The following RALGAPB variants were observed in gnomAD, a reference collection of about 807,000 sequenced individuals.
The protein encoded by RALGAPB is Ral GTPase activating protein non-catalytic subunit beta.
In RALGAPB, 25 loss-of-function variants were observed where a neutral mutation model predicts 161.1. The observed-to-expected ratio is 0.16, with a 90% CI of 0.11 to 0.22. The LOEUF is 0.22. Ranked by LOEUF, RALGAPB falls within the 10% of genes least tolerant of loss-of-function variation. The pLI is 1.00. For missense variants in RALGAPB, 1,391 were observed against 1,815.2 expected (o/e 0.77, Z 4.25); for synonymous variants, 629 against 626.1 (o/e 1.00, Z -0.07).
At chr20:38,477,072 A>G (rs911469914) in intron 1 of RALGAPB, among the ~76,000 whole-genome samples, 2 of 152,188 alleles carry the variant, frequency 1.3e-5, no homozygotes, top group Non-Finnish European at 2.9e-5. Flanking sequence ...ATAGTGTAGT[A>G]TCTGAAGCAG....
At chr20:38,571,385 C>A (rs1348990044) in intron 28 of RALGAPB, among the ~76,000 whole-genome samples, 2 of 152,154 alleles carry the variant, frequency 1.3e-5, no homozygotes, top group Admixed American at 1.3e-4. Context: ...ATTTTTCCCT[C>A]CCTGCAGTTC....
intron 1 of RALGAPB, among the ~76,000 whole-genome samples, chr20:38,478,522 G>A (rs998680461): frequency 6.6e-6 from 1 of 152,178 alleles, no homozygotes; most frequent in Non-Finnish European, 1.5e-5. Flanking sequence ...CCAGGTTCAA[G>A]CTATTCTCCT....
chr20:38,501,271 T>C (rs960598778), intron 5 of RALGAPB, among the ~76,000 whole-genome samples: 5 of 152,122 alleles, frequency 3.3e-5, no homozygotes, highest in African/African-American at 1.2e-4. Context: ...TTAAGAATAA[T>C]GTTAAATTTG....
chr20:38,556,097 T>G (rs934597540), intron 22 of RALGAPB, among the ~76,000 whole-genome samples: 15 of 152,254 alleles, frequency 9.9e-5, no homozygotes, highest in East Asian at 3.9e-4. Flanking sequence ...AATAACAAAC[T>G]AAGCCAGCAC....
chr20:38,544,410 T>C (rs2087085195), intron 18 of RALGAPB, among the ~76,000 whole-genome samples: 1 of 152,124 alleles, frequency 6.6e-6, no homozygotes, highest in South Asian at 2.1e-4. Context: ...TATTCTCAAC[T>C]GGCATAGATT....
At chr20:38,502,955 T>C (rs1055848645) in intron 5 of RALGAPB, among the ~76,000 whole-genome samples, 1 of 152,302 alleles carries the variant, frequency 6.6e-6, no homozygotes, top group South Asian at 2.1e-4. Context: ...TTGCCCAGGC[T>C]AGAGTATAAT....
At chr20:38,515,126 C>T (rs113883801) in intron 6 of RALGAPB, among the ~76,000 whole-genome samples, 1,823 of 152,238 alleles carry the variant, frequency 0.012, 23 homozygotes, top group Middle Eastern at 0.051. Flanking sequence ...TGAACTACAG[C>T]CCCCAGCAGG....
chr20:38,499,623 C>T lies in RALGAPB; in HGVS notation c.730C>T (p.Leu244Phe). 1.2e-6 allele frequency: 2 copies of T among 1,611,822 alleles called. No homozygotes were observed. Among genetic ancestry groups the T allele is most frequent in the Non-Finnish European group, 1.7e-6 (2 of 1,179,032 alleles). Residue 244 changes from leucine to phenylalanine, a missense_variant, in exon 5 of 30, where the codon CTC (leucine) becomes TTC (phenylalanine). Around this residue, in one of 3 missense-constraint regions of RALGAPB, gnomAD observed 946 missense variants for 1,257.2 expected, o/e 0.75. Coordinates refer to ENST00000262879, the MANE Select transcript of RALGAPB (RefSeq NM_020336.4). The part of the protein sequence containing the change: ...VEQWSKVICA[L>F]TSRLLRFTYG... The stretch of plus-strand genomic sequence containing the variant: ...GCAGTGGAGCAAGGTCATTTGTGCA[C>T]TCACTTCCAGGTAGGTTATTGTCAT...
intron 19 of RALGAPB, 164 bp downstream of exon 19, chr20:38,546,594 T>C: frequency 2.5e-6 from 2 of 797,404 alleles, no homozygotes; most frequent in Non-Finnish European, 3.9e-6. Context: ...GGCAAAAAAA[T>C]AGAATATACA....
In RALGAPB at chr20:38,577,698, G is replaced by GAC. The variant is rs56716236; in HGVS notation, c.*2764_*2765dup. On this transcript the variant is annotated 3_prime_UTR_variant, in exon 30 of 30. Transcript: ENST00000262879. Reference sequence around the variant, plus strand: ...ATTGGGCCTTTGAAAGGACTAATCAGACACACACACACACACACACACACA... The same window carrying GAC: ...ATTGGGCCTTTGAAAGGACTAATCAGACACACACACACACACACACACACACA... The GAC allele has an allele frequency of 0.39, 56,518 of 146,064 alleles. 11,810 individuals carry two copies. Among genetic ancestry groups the GAC allele is most frequent in the East Asian group, 0.82 (4,021 of 4,910 alleles). 9.0% of individuals were successfully genotyped at this position (146,064 alleles called of 1,614,324 possible).
chr20:38,534,687 A>G (rs2086751513), intron 15 of RALGAPB, among the ~76,000 whole-genome samples: 1 of 152,262 alleles, frequency 6.6e-6, no homozygotes. Flanking sequence ...AGGAGGCCGT[A>G]AAATTAGAAC....
At chr20:38,532,478 C>T (rs2086684414) in intron 14 of RALGAPB, among the ~76,000 whole-genome samples, 1 of 152,052 alleles carries the variant, frequency 6.6e-6, no homozygotes, top group African/African-American at 2.4e-5. Flanking sequence ...CTGGGCCAGC[C>T]CTTTGTAAAT....
chr20:38,552,950 G>GTA lies in RALGAPB; in HGVS notation c.3163-915_3163-914dup, dbSNP rs148125008. Among the ~76,000 whole-genome samples, 655 of 152,280 alleles carry GTA rather than the reference G, an allele frequency of 4.3e-3. 3 individuals are homozygous for GTA. Among genetic ancestry groups the GTA allele is most frequent in the African/African-American group, 0.015 (630 of 41,548 alleles). On this transcript the variant is annotated intron_variant, in intron 21 of 29. Coordinates refer to ENST00000262879, the MANE Select transcript of RALGAPB (RefSeq NM_020336.4). ...GCCATTTAATGTGCTTAAGGAGAGG[G>GTA]TATTTAGCTGTTAGATGTGGGGGCT...
At chr20:38,511,058 C>G (rs370698955) in intron 6 of RALGAPB, among the ~76,000 whole-genome samples, 11 of 152,280 alleles carry the variant, frequency 7.2e-5, no homozygotes, top group Admixed American at 5.9e-4. Flanking sequence ...GCAGGATTCT[C>G]GTATCTGGCT....
chr20:38,496,779 T>C (rs189375525), intron 3 of RALGAPB, among the ~76,000 whole-genome samples: 58 of 152,282 alleles, frequency 3.8e-4, no homozygotes, highest in Middle Eastern at 3.4e-3. Flanking sequence ...AGAGCAGCAG[T>C]AGCAGGTATT....
At chr20:38,487,856 C>T (rs1349659857) in intron 1 of RALGAPB, among the ~76,000 whole-genome samples, 12 of 152,056 alleles carry the variant, frequency 7.9e-5, no homozygotes, top group Admixed American at 5.9e-4. Context: ...CACCTGAGGT[C>T]GGGAGTTCGA....
At chr20:38,562,093 A>G (rs780190026) in intron 23 of RALGAPB, among the ~76,000 whole-genome samples, 7 of 152,210 alleles carry the variant, frequency 4.6e-5, no homozygotes, top group Non-Finnish European at 7.3e-5. Flanking sequence ...ATTGAATTTT[A>G]GTAGATTTTA....
At chr20:38,546,559 G>T in intron 19 of RALGAPB, 129 bp downstream of exon 19, 1 of 1,285,792 alleles carries the variant, frequency 7.8e-7, no homozygotes, top group African/African-American at 1.5e-5. Flanking sequence ...CTAGCTGTGG[G>T]ACAATAGCAC....
chr20:38,529,527 A>T (rs549425453), intron 13 of RALGAPB, among the ~76,000 whole-genome samples: 2 of 151,464 alleles, frequency 1.3e-5, no homozygotes, highest in South Asian at 4.2e-4. Flanking sequence ...CAAAAAAAAA[A>T]AATAAAATAA....
Sources: gnomAD v4.1 joint callset for allele counts (sites outside exome capture counted in the v4.1 genomes callset) on GRCh38, gnomAD v4.1.1 for gene constraint, gnomAD v4.1.1 regional missense constraint, MANE v1.5 for transcripts, NCBI Gene and HGNC (gene_info 2026-07-23, HGNC 2026-07-21) for gene names.